MYOM2: variants seen among roughly 807,000 people sequenced by gnomAD.
MYOM2 encodes the protein myomesin-2.
In MYOM2, 254 loss-of-function variants were observed where a neutral mutation model predicts 187.6. That is an observed-to-expected ratio of 1.35 (90% CI 1.22 to 1.50). MYOM2 has a LOEUF of 1.50. Ranked by LOEUF, MYOM2 falls within the 40% of genes most tolerant of loss-of-function variation. The probability of loss-of-function intolerance (pLI) is 0.00; values close to 1 mark genes in which losing one functional copy is unlikely to be tolerated. For missense variants in MYOM2, 2,796 were observed against 1,924.0 expected, an observed-to-expected ratio of 1.45 and a Z score of -8.48; for synonymous variants, 981 against 753.8, an observed-to-expected ratio of 1.30 and a Z score of -4.94.
rs1272584196 is a variant in MYOM2 at position 2,086,423 on chromosome 8, T to C, written c.1644+1033T>C. ...TGATCTCTGCGTGGCCTCCCACTGT[T>C]GTGATCTCTGCGTGGCCCCCTACTG... On this transcript the variant is annotated intron_variant, in intron 14 of 36. Coordinates refer to ENST00000262113, the MANE Select transcript of MYOM2 (RefSeq NM_003970.4). Among the ~76,000 whole-genome samples, 239 of 81,342 alleles carry C rather than the reference T, an allele frequency of 2.9e-3. 7 individuals carry two copies. Among genetic ancestry groups the C allele is most frequent in the Admixed American group, 6.2e-3 (47 of 7,582 alleles). The allele number at this position is 81,342 out of a possible 152,430, so 53.4% of individuals were successfully genotyped here.
intron 3 of MYOM2, among the ~76,000 whole-genome samples, chr8:2,054,225 C>T (rs1421282847): frequency 6.6e-6 from 1 of 152,228 alleles, no homozygotes; most frequent in African/African-American, 2.4e-5. Flanking sequence ...ATGTGAGTTA[C>T]TGCTGATGTC....
intron 32 of MYOM2, among the ~76,000 whole-genome samples, chr8:2,129,592 T>G (rs781444540): frequency 6.6e-6 from 1 of 152,132 alleles, no homozygotes. Context: ...TTCCAGTCAG[T>G]TGGTTTCCCG....
chr8:2,102,631 C>T (rs780725726), intron 20 of MYOM2, 36 bp from the exon 21 acceptor site: 2 of 1,432,384 alleles, frequency 1.4e-6, no homozygotes, highest in African/African-American at 1.4e-5. Context: ...CTTTATTTTA[C>T]CTCCACACAT....
chr8:2,058,152 G>A (rs1265469279), intron 5 of MYOM2, among the ~76,000 whole-genome samples: 1 of 151,690 alleles, frequency 6.6e-6, no homozygotes, highest in Non-Finnish European at 1.5e-5. Context: ...CTGAGTAGCT[G>A]GGACCACAGG....
intron 32 of MYOM2, among the ~76,000 whole-genome samples, chr8:2,137,565 T>G (rs1563082981): frequency 9.6e-6 from 1 of 104,166 alleles, no homozygotes; most frequent in Non-Finnish European, 1.7e-5. Context: ...TGTGCCTGGT[T>G]GTGTGTGTGT....
intron 11 of MYOM2, among the ~76,000 whole-genome samples, chr8:2,077,520 T>TGA (rs1819472601): frequency 6.6e-6 from 1 of 152,236 alleles, no homozygotes; most frequent in African/African-American, 2.4e-5. Flanking sequence ...CTTGTTTGGC[T>TGA]GAGACCTGTG....
Position 2,076,260 on chromosome 8 carries a change from G to C in MYOM2, c.1240G>C (p.Val414Leu), listed in dbSNP as rs575158909. 1.2e-6 allele frequency: 2 copies of C among 1,613,718 alleles called. No homozygotes were observed. The highest frequency in any genetic ancestry group is 1.7e-6 in the Non-Finnish European group (2 of 1,179,920). Residue 414 changes from valine (V) to leucine (L), a missense_variant, in exon 11 of 37, where the codon GTC becomes CTC. By Grantham distance (32) the Val-to-Leu change is conservative. Coordinates refer to ENST00000262113, the MANE Select transcript of MYOM2 (RefSeq NM_003970.4). Reference protein sequence around the residue: ...KPPNTTTESPVMGYFVDRCEV... With the variant: ...KPPNTTTESPLMGYFVDRCEV... ...GCCCAACACCACCACTGAGAGCCCC[G>C]TCATGGGCTATTTTGTGGACCGGTG...
At chr8:2,092,692 G>A (rs943411978) in intron 16 of MYOM2, among the ~76,000 whole-genome samples, 172 bp downstream of exon 16, 1 of 152,208 alleles carries the variant, frequency 6.6e-6, no homozygotes, top group Non-Finnish European at 1.5e-5. Context: ...ACTTGGATGA[G>A]CTAGTTACTG....
chr8:2,046,283 T>A (rs1360076581), intron 1 of MYOM2, among the ~76,000 whole-genome samples: 2 of 152,180 alleles, frequency 1.3e-5, no homozygotes, highest in Admixed American at 6.5e-5. Flanking sequence ...CAGGAAGGAA[T>A]TAGGATGGGG....
intron 3 of MYOM2, among the ~76,000 whole-genome samples, chr8:2,057,040 C>T (rs1818689627): frequency 6.6e-6 from 1 of 152,202 alleles, no homozygotes; most frequent in South Asian, 2.1e-4. Context: ...CTCTTAGGGC[C>T]TCCAAGCGGT....
At chr8:2,055,625 G>A (rs1818637975) in intron 3 of MYOM2, among the ~76,000 whole-genome samples, 1 of 152,202 alleles carries the variant, frequency 6.6e-6, no homozygotes, top group African/African-American at 2.4e-5. Context: ...TGTACGAAGA[G>A]GCTGCAGACT....
chr8:2,090,337 T>A, intron 15 of MYOM2, 146 bp downstream of exon 15: 2 of 672,118 alleles, frequency 3.0e-6, no homozygotes, highest in Middle Eastern at 3.8e-4. Flanking sequence ...TACGAGAGAT[T>A]AAGAGCTCTC....
Position 2,103,426 on chromosome 8 carries a change from T to C in MYOM2, c.2734+645T>C, listed in dbSNP as rs541392942. On this transcript the variant is annotated intron_variant, in intron 21 of 36. Transcript: ENST00000262113. Reference sequence around the variant, plus strand: ...GTGTTTATGTGTATGTATGTATAGGTATATGGATAAATGAGTGGGAGAGTG... The same window carrying C: ...GTGTTTATGTGTATGTATGTATAGGCATATGGATAAATGAGTGGGAGAGTG... Among the ~76,000 whole-genome samples, 64 of 150,900 alleles carry C rather than the reference T, an allele frequency of 4.2e-4. 1 individual carries two copies. Among genetic ancestry groups the C allele is most frequent in the Admixed American group, 2.2e-3 (34 of 15,146 alleles).
In MYOM2 at chr8:2,059,246, G is replaced by A. The variant is rs368958573; in HGVS notation, c.653+1G>A. On this transcript the variant is annotated splice_donor_variant, in intron 6 of 36. Coordinates refer to ENST00000262113, the MANE Select transcript of MYOM2 (RefSeq NM_003970.4). LOFTEE classifies it high-confidence loss of function. Reference sequence around the variant, plus strand: ...GCGTACACACACTGGAGATCAACAGGTATGGCTGTGGTGGGGGCTCTGGAC... The same window carrying A: ...GCGTACACACACTGGAGATCAACAGATATGGCTGTGGTGGGGGCTCTGGAC... 4 of 1,613,674 alleles carry A rather than the reference G, an allele frequency of 2.5e-6. No individual in the cohort carries two copies. The South Asian group carries it at 3.3e-5, about 13-fold the overall frequency.
At chr8:2,080,770 C>G (rs552160042) in intron 13 of MYOM2, among the ~76,000 whole-genome samples, 1 of 152,340 alleles carries the variant, frequency 6.6e-6, no homozygotes, top group Admixed American at 6.5e-5. Context: ...GAAAAGAAGG[C>G]CTGCTTGAGG....
At chr8:2,108,493 G>A (rs1237004258) in intron 23 of MYOM2, among the ~76,000 whole-genome samples, 2 of 151,986 alleles carry the variant, frequency 1.3e-5, no homozygotes, top group Non-Finnish European at 2.9e-5. Flanking sequence ...TTAACCTTTC[G>A]TCTTCCAAGT....
chr8:2,108,701 C>A, intron 23 of MYOM2, 85 bp from the exon 24 acceptor site: 1 of 1,313,690 alleles, frequency 7.6e-7, no homozygotes, highest in Non-Finnish European at 1.1e-6. Context: ...GGTTTCCAAT[C>A]TTGCTCGTGT....
At chr8:2,131,643 C>CT (rs5888888) in intron 32 of MYOM2, among the ~76,000 whole-genome samples, 4,092 of 113,948 alleles carry the variant, frequency 0.036, 117 homozygotes, top group South Asian at 0.061. Flanking sequence ...GCATTTCTTT[C>CT]TTTTTTTTTT....
At chr8:2,089,815 G>C (rs1379298375) in intron 14 of MYOM2, among the ~76,000 whole-genome samples, 193 bp from the exon 15 acceptor site, 2 of 152,126 alleles carry the variant, frequency 1.3e-5, no homozygotes, top group African/African-American at 4.8e-5. Context: ...GGGTATTTGT[G>C]ACTTCCTTCT....
Sources: allele counts gnomAD v4.1 joint callset (sites outside exome capture counted in the v4.1 genomes callset), GRCh38; gene constraint gnomAD v4.1.1; transcripts MANE v1.5; gene names NCBI Gene and HGNC (gene_info 2026-07-23, HGNC 2026-07-21).